The following DAB1 variants were observed in gnomAD, a reference collection of about 807,000 sequenced individuals.
DAB1 encodes DAB adaptor protein 1, also known as disabled homolog 1.
DAB1 carries 15 observed loss-of-function variants against 64.6 expected under a neutral mutation model. That is an observed-to-expected ratio of 0.23 (90% CI 0.16 to 0.36). The LOEUF (loss-of-function observed/expected upper bound fraction) is 0.36, where lower values mean the gene tolerates loss of function less well. Ranked by LOEUF, DAB1 falls within the 10% of genes least tolerant of loss-of-function variation. The pLI, the probability that DAB1 is intolerant of heterozygous loss-of-function variation, is 1.00. For synonymous variants in DAB1, 235 were observed against 251.9 expected, an observed-to-expected ratio of 0.93 and a Z score of 0.64; for missense variants, 596 against 706.7, an observed-to-expected ratio of 0.84 and a Z score of 1.78.
intron 5 of DAB1, among the ~76,000 whole-genome samples, chr1:58,028,575 T>C (rs888491018): frequency 6.6e-6 from 1 of 152,142 alleles, no homozygotes. Flanking sequence ...AGGATGCTTG[T>C]TCATAGTAAG....
At chr1:57,160,280 C>T (rs1660625195) in intron 2 of DAB1, among the ~76,000 whole-genome samples, 1 of 152,114 alleles carries the variant, frequency 6.6e-6, no homozygotes, top group Non-Finnish European at 1.5e-5. Flanking sequence ...TTTCATTGTC[C>T]TTTTGTTCCT....
At chr1:58,394,056 T>C (rs2100557630) in intron 3 of DAB1, among the ~76,000 whole-genome samples, 1 of 152,190 alleles carries the variant, frequency 6.6e-6, no homozygotes, top group South Asian at 2.1e-4. Context: ...AACTCAGTAA[T>C]AAGAAAGCAA....
chr1:57,577,912 A>G (rs1337084593), intron 7 of DAB1, among the ~76,000 whole-genome samples: 2 of 152,180 alleles, frequency 1.3e-5, no homozygotes, highest in Non-Finnish European at 2.9e-5. Flanking sequence ...ATGTGCTCCA[A>G]TGAGCAGAGG....
chr1:57,410,055 A>C (rs1250889995), intron 1 of DAB1, among the ~76,000 whole-genome samples: 1 of 152,190 alleles, frequency 6.6e-6, no homozygotes, highest in Non-Finnish European at 1.5e-5. Flanking sequence ...GATTTCGTGC[A>C]ATTCCTTTGA....
At chr1:57,557,419 T>TAC (rs910093918) in intron 7 of DAB1, among the ~76,000 whole-genome samples, 16 of 151,906 alleles carry the variant, frequency 1.1e-4, no homozygotes, top group African/African-American at 2.9e-4. Flanking sequence ...TATATATATA[T>TAC]ACACACACAC....
chr1:57,509,208 A>G (rs914510434), intron 7 of DAB1, among the ~76,000 whole-genome samples: 1 of 152,150 alleles, frequency 6.6e-6, no homozygotes, highest in African/African-American at 2.4e-5. Context: ...GATATTGTAC[A>G]TGAAGTGCCT....
intron 1 of DAB1, among the ~76,000 whole-genome samples, chr1:57,859,013 A>G (rs1653883798): frequency 6.6e-6 from 1 of 151,992 alleles, no homozygotes. Flanking sequence ...CTATTTTTCC[A>G]TCAGGCACTT....
intron 14 of DAB1, 68 bp downstream of exon 14, chr1:57,010,612 G>A: frequency 1.2e-6 from 1 of 821,866 alleles, no homozygotes; most frequent in Non-Finnish European, 1.8e-6. Context: ...GGCTTCAGAA[G>A]TGAAGAACAA....
intron 1 of DAB1, among the ~76,000 whole-genome samples, chr1:57,842,501 A>G (rs1488665120): frequency 6.6e-6 from 1 of 152,208 alleles, no homozygotes; most frequent in Non-Finnish European, 1.5e-5. Flanking sequence ...GCTACAAAGA[A>G]ACTACCTGAG....
chr1:58,363,466 C>T (rs867287823), intron 3 of DAB1, among the ~76,000 whole-genome samples: 3 of 152,080 alleles, frequency 2.0e-5, no homozygotes, highest in East Asian at 1.9e-4. Flanking sequence ...GAGGGAATAA[C>T]GGTAAATAAG....
chr1:57,579,852 G>A (rs1384553799), intron 7 of DAB1, among the ~76,000 whole-genome samples: 1 of 152,170 alleles, frequency 6.6e-6, no homozygotes, highest in Non-Finnish European at 1.5e-5. Context: ...CAGGTCAAAA[G>A]AGAGACATCA....
At chr1:57,795,690 G>GATTTTATATATATAT (rs1270547155) in intron 6 of DAB1, among the ~76,000 whole-genome samples, 2 of 69,098 alleles carry the variant, frequency 2.9e-5, no homozygotes, top group African/African-American at 1.1e-4. Flanking sequence ...TATGCTTGGA[G>GATTTTATATATATAT]ATATATATAT....
At chr1:57,026,561 T>C (rs543427709) in intron 9 of DAB1, among the ~76,000 whole-genome samples, 2 of 152,242 alleles carry the variant, frequency 1.3e-5, no homozygotes, top group East Asian at 2.0e-4. Flanking sequence ...CTCAGGGATG[T>C]GGCATCAAGG....
chr1:57,163,006 G>A (rs909751890), intron 2 of DAB1, among the ~76,000 whole-genome samples: 2 of 152,198 alleles, frequency 1.3e-5, no homozygotes, highest in African/African-American at 2.4e-5. Flanking sequence ...ACAGGCCTCA[G>A]CCCTGACTCC....
chr1:58,266,832 T>C (rs1318391225), intron 4 of DAB1, among the ~76,000 whole-genome samples: 1 of 152,210 alleles, frequency 6.6e-6, no homozygotes, highest in Non-Finnish European at 1.5e-5. Context: ...CCAAAGAAGA[T>C]ATACAAATGT....
At chr1:58,509,408 C>T (rs187536852) in intron 2 of DAB1, among the ~76,000 whole-genome samples, 2 of 144,282 alleles carry the variant, frequency 1.4e-5, no homozygotes, top group African/African-American at 5.1e-5. Context: ...GCCTATGGGT[C>T]AAGGAAAAAA....
chr1:57,892,211 G>A (rs540160563), intron 5 of DAB1, among the ~76,000 whole-genome samples: 35 of 152,228 alleles, frequency 2.3e-4, no homozygotes, highest in East Asian at 5.8e-4. Context: ...CACCTAGCTC[G>A]TCCTATGGGA....
intron 6 of DAB1, among the ~76,000 whole-genome samples, chr1:57,718,502 T>C (rs946978351): frequency 1.3e-5 from 2 of 152,204 alleles, no homozygotes; most frequent in Admixed American, 6.5e-5. Flanking sequence ...TTTTTTTTGA[T>C]GACTGAAAAA....
intron 3 of DAB1, among the ~76,000 whole-genome samples, chr1:58,378,766 C>G (rs1251972310): frequency 8.9e-6 from 1 of 112,834 alleles, no homozygotes; most frequent in Middle Eastern, 4.0e-3. Context: ...ATGGCGGGCG[C>G]CCCTCCCCCA....
Sources: gnomAD v4.1 joint callset for allele counts (sites outside exome capture counted in the v4.1 genomes callset) on GRCh38, gnomAD v4.1.1 for gene constraint, MANE v1.5 for transcripts, NCBI Gene and HGNC (gene_info 2026-07-23, HGNC 2026-07-21) for gene names.